HHAT: variants seen among roughly 807,000 people sequenced by gnomAD.
HHAT encodes the protein hedgehog acyltransferase, also known as protein-cysteine N-palmitoyltransferase HHAT.
In HHAT, 47 loss-of-function variants were observed where a neutral mutation model predicts 70.8. That is an observed-to-expected ratio of 0.66 (90% CI 0.53 to 0.85). The LOEUF is 0.85. Ranked by LOEUF, HHAT falls within the 40% of genes least tolerant of loss-of-function variation. The pLI, the probability that HHAT is intolerant of heterozygous loss-of-function variation, is 0.00. For synonymous variants in HHAT, 228 were observed against 247.6 expected (o/e 0.92, Z 0.74); for missense variants, 609 against 604.8 (o/e 1.01, Z -0.07).
chr1:210,409,429 G>A (rs1038168297), intron 6 of HHAT, among the ~76,000 whole-genome samples: 1 of 152,168 alleles, frequency 6.6e-6, no homozygotes, highest in African/African-American at 2.4e-5. Flanking sequence ...GGCCCCACTT[G>A]CTGTTCTGGG....
At chr1:210,350,408 T>C (rs2086909938) in intron 2 of HHAT, among the ~76,000 whole-genome samples, 1 of 152,244 alleles carries the variant, frequency 6.6e-6, no homozygotes, top group Non-Finnish European at 1.5e-5. Flanking sequence ...TATCCATGAA[T>C]ATGGACTATT....
chr1:210,603,150 G>C (rs1161899274), intron 10 of HHAT, among the ~76,000 whole-genome samples: 3 of 152,088 alleles, frequency 2.0e-5, no homozygotes, highest in East Asian at 1.9e-4. Context: ...GAGTAAGACG[G>C]GTGTCCTGCT....
intron 7 of HHAT, 121 bp from the exon 8 acceptor site, chr1:210,464,384 G>T: frequency 1.1e-6 from 1 of 909,648 alleles, no homozygotes. Flanking sequence ...TGTGCGAGTT[G>T]AAGGGAGGAA....
At chr1:210,387,832 G>A (rs2091198159) in intron 4 of HHAT, among the ~76,000 whole-genome samples, 1 of 152,188 alleles carries the variant, frequency 6.6e-6, no homozygotes, top group African/African-American at 2.4e-5. Flanking sequence ...GGAGGGTGGT[G>A]GTGGTCTTTA....
chr1:210,442,874 T>C (rs1216641685), intron 7 of HHAT, among the ~76,000 whole-genome samples: 1 of 152,190 alleles, frequency 6.6e-6, no homozygotes, highest in Middle Eastern at 3.2e-3. Flanking sequence ...CATTTGTCAA[T>C]TTTGGCTTTT....
At chr1:210,670,349 C>G (rs1558400870) in intron 11 of HHAT, among the ~76,000 whole-genome samples, 1 of 152,316 alleles carries the variant, frequency 6.6e-6, no homozygotes, top group East Asian at 1.9e-4. Context: ...AGGCATATAG[C>G]AAGGGCTTGT....
intron 6 of HHAT, among the ~76,000 whole-genome samples, chr1:210,407,819 A>G (rs774896974): frequency 1.1e-4 from 17 of 152,250 alleles, no homozygotes; most frequent in South Asian, 4.2e-4. Context: ...TGGGGCCACT[A>G]CGTCTTGAAG....
chr1:210,623,599 T>G lies in HHAT; in HGVS notation c.1319T>G (p.Ile440Ser), dbSNP rs202236243. 65 of 1,614,120 alleles carry G rather than the reference T, an allele frequency of 4.0e-5. No homozygotes were observed. The highest frequency in any genetic ancestry group is 5.3e-5 in the Non-Finnish European group (63 of 1,180,000). ...GCTTCTTGTTCCACCTCGATGCTGATCCTGTCCAACCTGGTATTTCTTGGG... is the reference window on the plus strand; with the variant it reads ...GCTTCTTGTTCCACCTCGATGCTGAGCCTGTCCAACCTGGTATTTCTTGGG... ...ALASCSTSML[I>S]LSNLVFLGGN... The change falls in exon 11 of 12, where the codon ATC (isoleucine) becomes AGC (serine). Residue 440 changes from isoleucine (I) to serine (S), a missense_variant. By Grantham distance (142) the Ile-to-Ser change is moderately radical (BLOSUM62 -2). Coordinates refer to ENST00000261458, the MANE Select transcript of HHAT (RefSeq NM_018194.6).
chr1:210,650,386 A>G (rs775252462), intron 11 of HHAT, among the ~76,000 whole-genome samples: 2 of 152,160 alleles, frequency 1.3e-5, no homozygotes, highest in Non-Finnish European at 2.9e-5. Flanking sequence ...ACTGGCCCCA[A>G]CTGTGGAGGA....
At chr1:210,591,008 A>G (rs1026079429) in intron 10 of HHAT, among the ~76,000 whole-genome samples, 1 of 152,170 alleles carries the variant, frequency 6.6e-6, no homozygotes, top group African/African-American at 2.4e-5. Flanking sequence ...ATGTTTAATT[A>G]TCACATGGGG....
chr1:210,631,290 A>G, intron 11 of HHAT: 1 of 361,400 alleles, frequency 2.8e-6, no homozygotes. Flanking sequence ...GGGTGTCACT[A>G]TCAGAGACAG....
At chr1:210,656,673 A>G (rs1574044786) in intron 11 of HHAT, among the ~76,000 whole-genome samples, 1 of 152,180 alleles carries the variant, frequency 6.6e-6, no homozygotes. Context: ...GAGGAAGGGT[A>G]GAGATGTGGG....
chr1:210,616,550 CATT>C (rs1558282918), intron 10 of HHAT, among the ~76,000 whole-genome samples: 1 of 152,108 alleles, frequency 6.6e-6, no homozygotes, highest in Non-Finnish European at 1.5e-5. Flanking sequence ...ATCTGCCAAC[CATT>C]GTTAGTGGGA....
chr1:210,413,460 T>C (rs958022778), intron 6 of HHAT, among the ~76,000 whole-genome samples: 2 of 152,242 alleles, frequency 1.3e-5, no homozygotes, highest in African/African-American at 2.4e-5. Context: ...AATCTTTAAG[T>C]TCTGCTTCCC....
chr1:210,353,452 TTTAAAA>T (rs755599076), intron 2 of HHAT, among the ~76,000 whole-genome samples: 61 of 119,130 alleles, frequency 5.1e-4, no homozygotes, highest in African/African-American at 1.8e-3. Context: ...TTTTTTTTTT[TTTAAAA>T]AAAAGCACCT....
intron 9 of HHAT, among the ~76,000 whole-genome samples, chr1:210,524,700 G>C (rs994134548): frequency 7.9e-5 from 12 of 152,098 alleles, no homozygotes; most frequent in African/African-American, 2.7e-4. Context: ...GACTTAGGTG[G>C]GAATCTAGAG....
At chr1:210,423,959 AG>A (rs1403351627) in intron 7 of HHAT, among the ~76,000 whole-genome samples, 4 of 152,178 alleles carry the variant, frequency 2.6e-5, no homozygotes, top group Admixed American at 2.6e-4. Flanking sequence ...GTATATTTTG[AG>A]GTCTGGCAGT....
At chr1:210,346,649 G>A (rs2086551966) in intron 1 of HHAT, among the ~76,000 whole-genome samples, 1 of 152,170 alleles carries the variant, frequency 6.6e-6, no homozygotes, top group African/African-American at 2.4e-5. Context: ...TAACGAAATG[G>A]GGCACTCTGG....
chr1:210,595,234 T>C (rs1357467972), intron 10 of HHAT, among the ~76,000 whole-genome samples: 2 of 152,164 alleles, frequency 1.3e-5, no homozygotes, highest in East Asian at 1.9e-4. Context: ...TTTGTCCTTG[T>C]GATGGTTTGC....
Sources: gnomAD v4.1 joint callset for allele counts (sites outside exome capture counted in the v4.1 genomes callset) on GRCh38, gnomAD v4.1.1 for gene constraint, MANE v1.5 for transcripts, NCBI Gene and HGNC (gene_info 2026-07-23, HGNC 2026-07-21) for gene names.